CTSK: variants seen among roughly 807,000 people sequenced by gnomAD.
CTSK encodes the protein cathepsin O.
In CTSK, 26 loss-of-function variants were observed where a neutral mutation model predicts 40.5. The ratio of observed to expected loss-of-function variants is 0.64; its 90% confidence interval spans 0.47 to 0.89. The LOEUF (loss-of-function observed/expected upper bound fraction) is 0.89. Among genes scored for constraint, CTSK ranks in the 40% least tolerant of loss-of-function variants. The probability of loss-of-function intolerance (pLI) is 0.00; values close to 1 mark genes in which losing one functional copy is unlikely to be tolerated. For missense variants in CTSK, 292 were observed against 400.1 expected, an observed-to-expected ratio of 0.73 and a Z score of 2.30; for synonymous variants, 132 against 143.2, an observed-to-expected ratio of 0.92 and a Z score of 0.56.
intron 5 of CTSK, among the ~76,000 whole-genome samples, chr1:150,802,611 CTTGCTATG>C (rs1304048149): frequency 1.3e-5 from 2 of 152,088 alleles, no homozygotes; most frequent in Non-Finnish European, 2.9e-5. Flanking sequence ...GAGATGAGGT[CTTGCTATG>C]TTGTACCAGG....
chr1:150,804,339 G>T, intron 4 of CTSK, 100 bp from the exon 5 acceptor site: 1 of 939,590 alleles, frequency 1.1e-6, no homozygotes, highest in Non-Finnish European at 1.7e-6. Flanking sequence ...AAAAATTTCA[G>T]CACAAATGTT....
Position 150,796,780 on chromosome 1 carries a change from T to TG in CTSK, c.*18dup, listed in dbSNP as rs1257509941. 1 of 1,542,848 alleles carries TG rather than the reference T, an allele frequency of 6.5e-7. No individual in the cohort carries two copies. The highest frequency in any genetic ancestry group is 9.0e-7 in the Non-Finnish European group (1 of 1,115,048). On this transcript the variant is annotated 3_prime_UTR_variant, in exon 8 of 8. Transcript: ENST00000271651. ...TCGTGGAAGAAATGGAAGAGCAGGA[T>TG]GGATTTGGCTGGCTGGAGTCACATC...
intron 7 of CTSK, among the ~76,000 whole-genome samples, chr1:150,798,410 A>G (rs1653915228): frequency 2.0e-5 from 3 of 152,226 alleles, no homozygotes; most frequent in South Asian, 4.1e-4. Flanking sequence ...GAAAGTAAAA[A>G]TACGTAATTC....
chr1:150,806,757 AC>A lies in CTSK; in HGVS notation c.48del (p.Tyr17ThrfsTer32), dbSNP rs1057516790. 6.2e-7 allele frequency: 1 copy of A among 1,614,090 alleles called. No individual in the cohort carries two copies. The highest frequency in any genetic ancestry group is 1.7e-5 in the Admixed American group (1 of 60,012). On this transcript the variant is annotated frameshift_variant, in exon 2 of 8. Coordinates refer to ENST00000271651, the MANE Select transcript of CTSK (RefSeq NM_000396.4). LOFTEE classifies it high-confidence loss of function. ...TGGGTGTCCAGTATCTCCTCAGGGT[AC>A]AGAGCAAAGCTCACCACAGGTAGCA... The part of the protein sequence containing the change: ...VLLLPVVSFA[L>X]YPEEILDTHW...
rs771811168 is a variant in CTSK, at chr1:150,801,512, A to C, written c.619-1803T>G. On this transcript the variant is annotated intron_variant, in intron 5 of 7. Transcript: ENST00000271651. ...CAAAAATTGCAAAGGAAAATTAATCATTTTACTAATTTTACTATATTAAAA... is the reference window on the plus strand; with the variant it reads ...CAAAAATTGCAAAGGAAAATTAATCCTTTTACTAATTTTACTATATTAAAA... Among the ~76,000 whole-genome samples the C allele has an allele frequency of 6.6e-5, 10 of 150,504 alleles. 1 individual carries two copies. Among genetic ancestry groups the C allele is most frequent in the Admixed American group, 5.3e-4 (8 of 15,082 alleles).
intron 5 of CTSK, among the ~76,000 whole-genome samples, chr1:150,799,955 G>A (rs1653953851): frequency 6.6e-6 from 1 of 152,098 alleles, no homozygotes; most frequent in African/African-American, 2.4e-5. Flanking sequence ...CCAGCACTTT[G>A]GGAGGCTGAG....
intron 5 of CTSK, chr1:150,800,628 C>T (rs587634081): frequency 5.5e-4 from 119 of 216,128 alleles, no homozygotes; most frequent in Admixed American, 2.3e-3. Context: ...TTCAGCAATT[C>T]ATTTTCCTAC....
At chr1:150,798,091 A>C (rs1354587495) in intron 7 of CTSK, among the ~76,000 whole-genome samples, 2 of 152,166 alleles carry the variant, frequency 1.3e-5, no homozygotes, top group Non-Finnish European at 2.9e-5. Context: ...GGAAAACTAT[A>C]ATTGTTATCA....
intron 5 of CTSK, among the ~76,000 whole-genome samples, chr1:150,800,129 A>G (rs777962531): frequency 2.9e-5 from 4 of 135,656 alleles, no homozygotes; most frequent in Admixed American, 8.7e-5. Flanking sequence ...CCTGGGAGGC[A>G]GACCTTGTAG....
At chr1:150,805,632 CT>C (rs1386477243) in intron 4 of CTSK, among the ~76,000 whole-genome samples, 1 of 92,834 alleles carries the variant, frequency 1.1e-5, no homozygotes, top group Non-Finnish European at 1.9e-5. Flanking sequence ...GAGTGAGACT[CT>C]ATCTCAAAAA....
chr1:150,806,377 G>C (rs1034045418), intron 2 of CTSK, among the ~76,000 whole-genome samples, 153 bp from the exon 3 acceptor site: 1 of 152,134 alleles, frequency 6.6e-6, no homozygotes, highest in Non-Finnish European at 1.5e-5. Context: ...TGCAAGAAGA[G>C]ATAATATGTA....
intron 7 of CTSK, among the ~76,000 whole-genome samples, chr1:150,797,293 G>A (rs970938397): frequency 3.3e-5 from 5 of 152,156 alleles, no homozygotes; most frequent in African/African-American, 9.7e-5. Context: ...AGAGATGTCT[G>A]GAAAGGCAGA....
At chr1:150,799,113 G>T in intron 7 of CTSK, 55 bp downstream of exon 7, 2 of 1,136,742 alleles carry the variant, frequency 1.8e-6, no homozygotes, top group Non-Finnish European at 2.7e-6. Flanking sequence ...AGCTGGAGGT[G>T]AGGTTGAGTG....
At chr1:150,804,864 G>C (rs1654055249) in intron 4 of CTSK, among the ~76,000 whole-genome samples, 1 of 152,068 alleles carries the variant, frequency 6.6e-6, no homozygotes. Flanking sequence ...ATCCTGTGTT[G>C]TTTGGGTTGT....
At chr1:150,806,828 G>T in intron 1 of CTSK, 22 bp from the exon 2 acceptor site, 1 of 1,612,608 alleles carries the variant, frequency 6.2e-7, no homozygotes. Context: ...TGTAGTTAGG[G>T]AAAACTCTTC....
intron 7 of CTSK, among the ~76,000 whole-genome samples, chr1:150,798,647 A>G (rs145206453): frequency 1.3e-5 from 2 of 152,276 alleles, no homozygotes; most frequent in East Asian, 1.9e-4. Context: ...GTGATCCCCA[A>G]TGTGGGAGGT....
chr1:150,805,736 T>C, intron 4 of CTSK, 125 bp downstream of exon 4: 1 of 898,660 alleles, frequency 1.1e-6, no homozygotes, highest in South Asian at 1.3e-5. Context: ...AGAATGGGAA[T>C]GGGGAGATGT....
intron 1 of CTSK, chr1:150,807,115 CACACACACACGT>C: frequency 2.2e-6 from 1 of 447,174 alleles, no homozygotes; most frequent in South Asian, 1.9e-5. Flanking sequence ...CACACACACA[CACACACACACGT>C]ACACAACCAG....
chr1:150,799,947 A>T (rs1012188966), intron 5 of CTSK, among the ~76,000 whole-genome samples: 2 of 152,142 alleles, frequency 1.3e-5, no homozygotes, highest in South Asian at 4.1e-4. Flanking sequence ...CTGTAATCCC[A>T]GCACTTTGGG....
Sources: gnomAD v4.1 joint callset for allele counts (sites outside exome capture counted in the v4.1 genomes callset) on GRCh38, gnomAD v4.1.1 for gene constraint, MANE v1.5 for transcripts, NCBI Gene and HGNC (gene_info 2026-07-23, HGNC 2026-07-21) for gene names.